YPEL2: variants seen among roughly 807,000 people sequenced by gnomAD.
YPEL2 encodes the protein yippee like 2.
In YPEL2, 2 loss-of-function variants were observed where a neutral mutation model predicts 19.1. The observed-to-expected ratio is 0.10, with a 90% confidence interval of 0.04 to 0.33. YPEL2 has a LOEUF of 0.33. Ranked by LOEUF, YPEL2 falls within the 10% of genes least tolerant of loss-of-function variation. The pLI, the probability that YPEL2 is intolerant of heterozygous loss-of-function variation, is 1.00. For missense variants in YPEL2, 66 were observed against 140.7 expected (o/e 0.47, Z 2.68); for synonymous variants, 52 against 50.0 (o/e 1.04, Z -0.17).
chr17:59,381,821 T>C lies in YPEL2; in HGVS notation c.118-6506T>C, dbSNP rs117945681. ...CATGGAAAAGAGCCGCCTTGTTGCC[T>C]GGCAGTAATGACAGCAAACAAATGT... is the stretch of plus-strand genomic sequence containing the variant. On this transcript the variant is annotated intron_variant, in intron 2 of 4. Coordinates refer to ENST00000312655, the MANE Select transcript of YPEL2 (RefSeq NM_001005404.4). Among the ~76,000 whole-genome samples the C allele has an allele frequency of 1.5e-4, 23 of 152,356 alleles. No individual in the cohort carries two copies. The East Asian group carries it at 4.2e-3, about 28-fold the overall frequency.
At chr17:59,358,148 T>C (rs1483796379) in intron 2 of YPEL2, among the ~76,000 whole-genome samples, 1 of 152,116 alleles carries the variant, frequency 6.6e-6, no homozygotes, top group African/African-American at 2.4e-5. Context: ...GCCATCCACC[T>C]CATACCCCTC....
intron 4 of YPEL2, among the ~76,000 whole-genome samples, chr17:59,394,410 C>T (rs1205771206): frequency 4.9e-5 from 7 of 142,446 alleles, no homozygotes; most frequent in African/African-American, 1.6e-4. Context: ...ACATCTCAGA[C>T]GATGGGCGGC....
At chr17:59,375,487 G>A (rs1186428225) in intron 2 of YPEL2, among the ~76,000 whole-genome samples, 1 of 152,106 alleles carries the variant, frequency 6.6e-6, no homozygotes, top group Non-Finnish European at 1.5e-5. Flanking sequence ...CATTCATTCA[G>A]TCTTGAGATG....
At chr17:59,369,387 A>C (rs1226043617) in intron 2 of YPEL2, among the ~76,000 whole-genome samples, 4 of 152,242 alleles carry the variant, frequency 2.6e-5, no homozygotes, top group East Asian at 3.8e-4. Flanking sequence ...ACAAAGGCAG[A>C]TTGCCAGACC....
At chr17:59,391,881 C>CA (rs1195725363) in intron 4 of YPEL2, among the ~76,000 whole-genome samples, 1 of 149,174 alleles carries the variant, frequency 6.7e-6, no homozygotes, top group Non-Finnish European at 1.5e-5. Context: ...GCCTGGGCGA[C>CA]AGAGTGAGAC....
intron 1 of YPEL2, among the ~76,000 whole-genome samples, chr17:59,340,987 T>C (rs1401340928): frequency 6.9e-6 from 1 of 145,480 alleles, no homozygotes; most frequent in Non-Finnish European, 1.5e-5. Context: ...AGTGCTGGGA[T>C]TACAGGCTTG....
chr17:59,369,504 A>T (rs2047886388), intron 2 of YPEL2, among the ~76,000 whole-genome samples: 1 of 152,184 alleles, frequency 6.6e-6, no homozygotes, highest in Non-Finnish European at 1.5e-5. Context: ...GGAGACACTC[A>T]CTCTCAGAGT....
At chr17:59,389,514 C>A in intron 4 of YPEL2, 46 bp downstream of exon 4, 1 of 1,476,082 alleles carries the variant, frequency 6.8e-7, no homozygotes, top group Non-Finnish European at 9.4e-7. Flanking sequence ...AAGGGAATTG[C>A]CAAGAGCCTT....
intron 2 of YPEL2, among the ~76,000 whole-genome samples, chr17:59,360,063 G>C (rs972019580): frequency 6.6e-6 from 1 of 151,454 alleles, no homozygotes; most frequent in Non-Finnish European, 1.5e-5. Context: ...CCACACCCAG[G>C]TAATTTTTAA....
chr17:59,349,684 CAG>C (rs1344821027), intron 1 of YPEL2, among the ~76,000 whole-genome samples: 1 of 152,010 alleles, frequency 6.6e-6, no homozygotes, highest in East Asian at 1.9e-4. Flanking sequence ...TGTTTTGAGA[CAG>C]AATCTCGCAC....
At chr17:59,379,236 G>A (rs111652304) in intron 2 of YPEL2, among the ~76,000 whole-genome samples, 161 of 152,264 alleles carry the variant, frequency 1.1e-3, no homozygotes, top group African/African-American at 3.7e-3. Flanking sequence ...TTCTCCGTAT[G>A]CATCCCCAAG....
chr17:59,372,165 T>A (rs1323794544), intron 2 of YPEL2, among the ~76,000 whole-genome samples: 3 of 152,204 alleles, frequency 2.0e-5, no homozygotes, highest in Non-Finnish European at 2.9e-5. Context: ...GTCCAGAGGC[T>A]GTTTTAAAAT....
At chr17:59,357,200 T>A (rs1273515309) in intron 2 of YPEL2, among the ~76,000 whole-genome samples, 1 of 152,062 alleles carries the variant, frequency 6.6e-6, no homozygotes, top group African/African-American at 2.4e-5. Flanking sequence ...GGCCTTACTG[T>A]CCAAAAGAAA....
intron 2 of YPEL2, among the ~76,000 whole-genome samples, chr17:59,365,772 C>T (rs1451509): frequency 0.49 from 74,469 of 151,876 alleles, 18,539 homozygotes; most frequent in East Asian, 0.55. Context: ...TCCCTCCTCT[C>T]CCTGGCTTAT....
intron 2 of YPEL2, among the ~76,000 whole-genome samples, chr17:59,385,126 T>C (rs2047973587): frequency 6.6e-6 from 1 of 152,152 alleles, no homozygotes; most frequent in African/African-American, 2.4e-5. Context: ...AAATGAACTA[T>C]AATATCCATA....
chr17:59,344,262 G>C (rs868476606), intron 1 of YPEL2, among the ~76,000 whole-genome samples: 2 of 152,168 alleles, frequency 1.3e-5, no homozygotes, highest in South Asian at 4.1e-4. Context: ...GGCTTGAGAG[G>C]GTGTGGGTAA....
At chr17:59,348,067 G>A (rs1033183728) in intron 1 of YPEL2, among the ~76,000 whole-genome samples, 7 of 152,186 alleles carry the variant, frequency 4.6e-5, no homozygotes, top group Non-Finnish European at 8.8e-5. Context: ...AACCCCTGTG[G>A]AGGTTGGTCT....
chr17:59,337,846 A>G (rs1189860737), intron 1 of YPEL2, among the ~76,000 whole-genome samples: 1 of 152,236 alleles, frequency 6.6e-6, no homozygotes, highest in Non-Finnish European at 1.5e-5. Flanking sequence ...TTTAAGACAT[A>G]GTGCTAATTA....
At chr17:59,341,351 C>G (rs950743897) in intron 1 of YPEL2, among the ~76,000 whole-genome samples, 9 of 144,208 alleles carry the variant, frequency 6.2e-5, no homozygotes, top group Admixed American at 3.5e-4. Flanking sequence ...GAGATCGCAC[C>G]ACTGCACTCC....
Sources: allele counts gnomAD v4.1 joint callset (sites outside exome capture counted in the v4.1 genomes callset), GRCh38; gene constraint gnomAD v4.1.1; transcripts MANE v1.5; gene names NCBI Gene and HGNC (gene_info 2026-07-23, HGNC 2026-07-21).